Variants in ASAP2 observed in about 807,000 individuals in gnomAD.
ASAP2 encodes the protein ArfGAP with SH3 domain, ankyrin repeat and PH domain 2.
Under a neutral mutation model 131.4 loss-of-function variants are expected in ASAP2, and 45 were observed. The observed-to-expected ratio is 0.34, with a 90% CI of 0.27 to 0.44. ASAP2 has a LOEUF of 0.44. Ranked by LOEUF, ASAP2 falls within the 20% of genes least tolerant of loss-of-function variation. ASAP2 has a pLI of 1.00. For missense variants in ASAP2, 1,011 were observed against 1,297.0 expected, an observed-to-expected ratio of 0.78 and a Z score of 3.39; for synonymous variants, 510 against 503.0, an observed-to-expected ratio of 1.01 and a Z score of -0.19.
In ASAP2 at chr2:9,323,112, C is replaced by T; in HGVS notation, c.471-9C>T. 1 of 1,614,082 alleles carries T rather than the reference C, an allele frequency of 6.2e-7. No homozygotes were observed. Among genetic ancestry groups the T allele is most frequent in the South Asian group, 1.1e-5 (1 of 91,074 alleles). On this transcript the variant is annotated splice_polypyrimidine_tract_variant and intron_variant, in intron 5 of 27. Coordinates refer to ENST00000281419, the MANE Select transcript of ASAP2 (RefSeq NM_003887.3). ...AGGCATCTTGATGTATCCTTGCTTTCACACGTAGAACCAAGATAGAAAAGG... is the reference window on the plus strand; with the variant it reads ...AGGCATCTTGATGTATCCTTGCTTTTACACGTAGAACCAAGATAGAAAAGG...
chr2:9,335,248 A>T (rs1479163561), intron 9 of ASAP2, 69 bp downstream of exon 9: 34 of 1,369,654 alleles, frequency 2.5e-5, no homozygotes, highest in South Asian at 4.7e-5. Flanking sequence ...TCTGAAGAAC[A>T]TGAAGTTCAT....
chr2:9,264,571 A>G lies in ASAP2; in HGVS notation c.127-14746A>G, dbSNP rs1187654338. On this transcript the variant is annotated intron_variant, in intron 1 of 27. Transcript: ENST00000281419. ...AGAGCTGTCTTCTCGCTCATCATTT[A>G]TTAATCTTTCCCATGCAAGTCATAC... Among the ~76,000 whole-genome samples the G allele has an allele frequency of 5.9e-5, 9 of 152,192 alleles. 1 individual carries two copies. The highest frequency in any genetic ancestry group is 2.6e-4 in the Admixed American group (4 of 15,276).
rs1253338764 is a variant in ASAP2 at position 9,380,772 on chromosome 2, T to G, written c.1980T>G (p.Ile660Met). The G allele has an allele frequency of 1.9e-6, 3 of 1,614,196 alleles. No homozygotes were observed. In the South Asian group the frequency reaches 3.3e-5, roughly 18 times the overall value. Residue 660 changes from isoleucine (I) to methionine (M), a missense_variant, in exon 20 of 28, where the codon ATT becomes ATG. Ile to Met is a conservative substitution (Grantham distance 10). Transcript: ENST00000281419. ...ANESGETPLDIAKRLKHEHCE... is the reference protein window; with the variant it reads ...ANESGETPLDMAKRLKHEHCE... ...AGTCAGGAGAGACTCCGCTGGACAT[T>G]GCCAAGCGCCTCAAGCACGAGCACT...
At chr2:9,355,797 T>C (rs540373324) in intron 12 of ASAP2, among the ~76,000 whole-genome samples, 2 of 152,338 alleles carry the variant, frequency 1.3e-5, no homozygotes, top group South Asian at 4.1e-4. Context: ...ATTGAATAGC[T>C]TCAGTTTTTA....
In ASAP2 at chr2:9,362,869, GTTA is replaced by G. The variant is rs1161634492; in HGVS notation, c.1461+3987_1461+3989del. On this transcript the variant is annotated intron_variant, in intron 15 of 27. Coordinates refer to ENST00000281419, the MANE Select transcript of ASAP2 (RefSeq NM_003887.3). ...AACAAAATTTTTAAGTATACAGTAC[GTTA>G]TTATTAAGTAGAGTCACTGTGTTGT... is the stretch of plus-strand genomic sequence containing the variant. Among the ~76,000 whole-genome samples, 64 of 152,072 alleles carry G rather than the reference GTTA, an allele frequency of 4.2e-4. 1 individual carries two copies. Among genetic ancestry groups the G allele is most frequent in the Non-Finnish European group, 1.3e-4 (9 of 68,012 alleles).
At chr2:9,270,019 T>A (rs1279416164) in intron 1 of ASAP2, among the ~76,000 whole-genome samples, 1 of 152,230 alleles carries the variant, frequency 6.6e-6, no homozygotes, top group African/African-American at 2.4e-5. Flanking sequence ...AAACAGATGC[T>A]TTTAAAGTGG....
intron 6 of ASAP2, 73 bp downstream of exon 6, chr2:9,323,323 A>C (rs186494885): frequency 6.3e-7 from 1 of 1,576,652 alleles, no homozygotes; most frequent in African/African-American, 1.4e-5. Context: ...GGAGCATCTC[A>C]CCGGTACCAG....
chr2:9,351,665 C>T (rs1026950382), intron 12 of ASAP2, among the ~76,000 whole-genome samples: 1 of 152,192 alleles, frequency 6.6e-6, no homozygotes, highest in African/African-American at 2.4e-5. Flanking sequence ...TTCTCTGTGC[C>T]TCAGTACCCC....
rs1661230510 is a variant in ASAP2, at chr2:9,207,762, C to T, written c.126+532C>T. Among the ~76,000 whole-genome samples, 1 of 152,058 alleles carries T rather than the reference C, an allele frequency of 6.6e-6. No homozygotes were observed. Among genetic ancestry groups the T allele is most frequent in the African/African-American group, 2.4e-5 (1 of 41,428 alleles). The stretch of plus-strand genomic sequence containing the variant: ...CGCCTCAGCCAGGGCGGCCTGGCTG[C>T]GCTCCACCCGTGCCCGGAGAAGGAA... On this transcript the variant is annotated intron_variant, in intron 1 of 27. Transcript: ENST00000281419. The surrounding 1 kb of genome is among the most constrained non-coding windows in gnomAD (Gnocchi z 4.1).
At chr2:9,365,269 A>G (rs1311610379) in intron 15 of ASAP2, among the ~76,000 whole-genome samples, 1 of 152,114 alleles carries the variant, frequency 6.6e-6, no homozygotes, top group East Asian at 1.9e-4. Flanking sequence ...TGTACTTTAG[A>G]GCTGGACTGC....
intron 1 of ASAP2, among the ~76,000 whole-genome samples, chr2:9,274,825 A>G (rs1324087460): frequency 1.3e-5 from 2 of 152,292 alleles, no homozygotes; most frequent in East Asian, 3.9e-4. Context: ...GTAGAAAAGC[A>G]AGTTTATGCA....
intron 2 of ASAP2, among the ~76,000 whole-genome samples, chr2:9,289,455 G>A (rs1667662358): frequency 6.6e-6 from 1 of 152,110 alleles, no homozygotes; most frequent in Admixed American, 6.5e-5. Flanking sequence ...AAATATTCTT[G>A]ACCCGTAATG....
chr2:9,369,176 G>A (rs988169476), intron 16 of ASAP2, among the ~76,000 whole-genome samples: 3 of 152,030 alleles, frequency 2.0e-5, no homozygotes, highest in Admixed American at 1.3e-4. Context: ...ATGCCACCAC[G>A]CCTGGCTAAT....
At chr2:9,215,439 A>C (rs1324851399) in intron 1 of ASAP2, among the ~76,000 whole-genome samples, 1 of 152,242 alleles carries the variant, frequency 6.6e-6, no homozygotes, top group East Asian at 1.9e-4. Context: ...TGATGAATAT[A>C]AACAATACGA....
At chr2:9,362,940 C>T (rs1673204411) in intron 15 of ASAP2, among the ~76,000 whole-genome samples, 1 of 152,162 alleles carries the variant, frequency 6.6e-6, no homozygotes, top group Admixed American at 6.5e-5. Context: ...TGAAATTTTG[C>T]ATGCTTTGAC....
chr2:9,371,975 C>T (rs1254008052), intron 16 of ASAP2, among the ~76,000 whole-genome samples: 2 of 152,186 alleles, frequency 1.3e-5, no homozygotes, highest in South Asian at 2.1e-4. Flanking sequence ...AAGCAAACCT[C>T]CTTCACAAAA....
At chr2:9,308,694 C>A (rs940294242) in intron 3 of ASAP2, among the ~76,000 whole-genome samples, 3 of 152,142 alleles carry the variant, frequency 2.0e-5, no homozygotes, top group African/African-American at 7.2e-5. Flanking sequence ...TAATAGTGAG[C>A]TGAGAGGAAG....
intron 1 of ASAP2, among the ~76,000 whole-genome samples, chr2:9,227,490 C>G (rs1662857765): frequency 2.0e-5 from 3 of 152,148 alleles, no homozygotes; most frequent in Admixed American, 2.0e-4. Context: ...AAAATAAGCT[C>G]TCATTTGTAT....
chr2:9,275,458 G>A (rs1354878540), intron 1 of ASAP2, among the ~76,000 whole-genome samples: 1 of 152,148 alleles, frequency 6.6e-6, no homozygotes, highest in Non-Finnish European at 1.5e-5. Context: ...AGAGGCAGGA[G>A]GGCTGAAATC....
Sources: gnomAD v4.1 joint callset for allele counts (sites outside exome capture counted in the v4.1 genomes callset) on GRCh38, gnomAD v4.1.1 for gene constraint, Gnocchi (gnomAD v3.1) non-coding constraint, MANE v1.5 for transcripts, NCBI Gene and HGNC (gene_info 2026-07-23, HGNC 2026-07-21) for gene names.